TENT4A: variants seen among roughly 807,000 people sequenced by gnomAD.
TENT4A encodes terminal nucleotidyltransferase 4A.
In TENT4A, 7 loss-of-function variants were observed where a neutral mutation model predicts 72.8. The observed-to-expected ratio is 0.10, with a 90% confidence interval of 0.05 to 0.18. The LOEUF is 0.18. TENT4A is among the 10% of genes least tolerant of loss of function. TENT4A has a pLI of 1.00. For synonymous variants in TENT4A, 456 were observed against 434.3 expected (o/e 1.05, Z -0.62); for missense variants, 831 against 1,017.7 (o/e 0.82, Z 2.50).
chr5:6,734,549 G>GT (rs1741374409), intron 1 of TENT4A, among the ~76,000 whole-genome samples: 1 of 152,268 alleles, frequency 6.6e-6, no homozygotes, highest in South Asian at 2.1e-4. Flanking sequence ...CATCCAAGAG[G>GT]CATGGATGGC....
At chr5:6,740,209 T>A (rs547550941) in intron 4 of TENT4A, among the ~76,000 whole-genome samples, 1 of 152,326 alleles carries the variant, frequency 6.6e-6, no homozygotes, top group South Asian at 2.1e-4. Flanking sequence ...AGAGTGTGGC[T>A]CAATGATTAA....
chr5:6,725,060 G>T lies in TENT4A; in HGVS notation c.716+10361G>T, dbSNP rs984126490. On this transcript the variant is annotated intron_variant, in intron 1 of 12. Coordinates refer to ENST00000230859, the MANE Select transcript of TENT4A (RefSeq NM_006999.6). ...AAACAGGCTGGGTGCAATGGCTCAC[G>T]CCTGTAATCCCAGCACTTTGGGAGG... 1.3e-5 allele frequency among the ~76,000 whole-genome samples: 2 copies of T among 152,248 alleles called. 1 individual carries two copies. Among genetic ancestry groups the T allele is most frequent in the South Asian group, 4.1e-4 (2 of 4,834 alleles).
intron 1 of TENT4A, among the ~76,000 whole-genome samples, chr5:6,723,752 C>G (rs1456701871): frequency 1.3e-5 from 2 of 152,112 alleles, no homozygotes; most frequent in East Asian, 3.9e-4. Context: ...ACAGCCACCG[C>G]AGGACAAAGT....
chr5:6,734,523 T>C (rs1741371762), intron 1 of TENT4A, among the ~76,000 whole-genome samples: 1 of 152,266 alleles, frequency 6.6e-6, no homozygotes, highest in South Asian at 2.1e-4. Flanking sequence ...GCCAGAGCCT[T>C]CTTGTCTGAC....
At chr5:6,720,823 T>G (rs1301083196) in intron 1 of TENT4A, among the ~76,000 whole-genome samples, 1 of 152,188 alleles carries the variant, frequency 6.6e-6, no homozygotes, top group Non-Finnish European at 1.5e-5. Context: ...GGGTCTTTCC[T>G]ATGCAGGTGG....
At chr5:6,737,821 G>C (rs1741583073) in intron 2 of TENT4A, among the ~76,000 whole-genome samples, 188 bp downstream of exon 2, 1 of 152,120 alleles carries the variant, frequency 6.6e-6, no homozygotes, top group Non-Finnish European at 1.5e-5. Context: ...ACCTGCACCT[G>C]CTGTCTTAGA....
Position 6,750,459 on chromosome 5 carries a change from G to C in TENT4A, c.1816G>C (p.Gly606Arg), listed in dbSNP as rs756883141. Residue 606 changes from glycine (G) to arginine (R), a missense_variant, in exon 10 of 13, where the codon GGC (glycine) becomes CGC (arginine). By Grantham distance (125) the Gly-to-Arg change is moderately radical. Coordinates refer to ENST00000230859, the MANE Select transcript of TENT4A (RefSeq NM_006999.6). Reference protein sequence around the residue: ...SLSSPQLLSSGSSASSVSSLS... With the variant: ...SLSSPQLLSSRSSASSVSSLS... ...GTCCAGCCCCCAGCTCCTGTCTTCA[G>C]GCTCCTCGGCCTCTTCTGTGTCTTC... The C allele has an allele frequency of 1.2e-6, 2 of 1,609,622 alleles. No homozygotes were observed. The highest frequency in any genetic ancestry group is 3.4e-5 in the Admixed American group (2 of 59,392).
intron 5 of TENT4A, among the ~76,000 whole-genome samples, chr5:6,743,489 G>C (rs1741931998): frequency 6.6e-6 from 1 of 152,174 alleles, no homozygotes; most frequent in Non-Finnish European, 1.5e-5. Flanking sequence ...CCCCTGCTGA[G>C]TCGTAACCCA....
In TENT4A at chr5:6,714,535, C is replaced by T. The variant is rs1740260454; in HGVS notation, c.552C>T (p.His184=). The change falls in exon 1 of 13, where the codon CAC becomes CAT. Residue 184 remains histidine, a synonymous_variant. Coordinates refer to ENST00000230859, the MANE Select transcript of TENT4A (RefSeq NM_006999.6). The part of the protein sequence containing the change: ...PAGSPSQHQF[H]PGRRKRENKA... ...GCTCCCCGTCGCAGCACCAGTTCCA[C>T]CCGGGTCGCCGGAAACGCGAGAACA... 1 of 1,195,196 alleles carries T rather than the reference C, an allele frequency of 8.4e-7. No homozygotes were observed. The highest frequency in any genetic ancestry group is 1.0e-6 in the Non-Finnish European group (1 of 964,254). The allele number at this position is 1,195,196 out of a possible 1,614,324, so 74.0% of individuals were successfully genotyped here.
At chr5:6,746,708 C>A (rs762688104) in intron 7 of TENT4A, among the ~76,000 whole-genome samples, 7 of 152,126 alleles carry the variant, frequency 4.6e-5, no homozygotes, top group African/African-American at 7.2e-5. Flanking sequence ...CACCCTAAAC[C>A]ATTTGTTTCT....
At chr5:6,735,269 A>G (rs1043157820) in intron 1 of TENT4A, among the ~76,000 whole-genome samples, 1 of 150,844 alleles carries the variant, frequency 6.6e-6, no homozygotes, top group Non-Finnish European at 1.5e-5. Context: ...AAATTTCTCT[A>G]CTCCTGTTAT....
intron 1 of TENT4A, among the ~76,000 whole-genome samples, chr5:6,729,364 T>A (rs896883117): frequency 1.3e-5 from 2 of 152,280 alleles, no homozygotes; most frequent in Non-Finnish European, 2.9e-5. Flanking sequence ...GTTTTTAGCC[T>A]CTTGGCTTTT....
intron 1 of TENT4A, among the ~76,000 whole-genome samples, chr5:6,717,263 C>A (rs1740435528): frequency 1.3e-5 from 2 of 152,254 alleles, no homozygotes; most frequent in African/African-American, 4.8e-5. Context: ...TAAAGGCTCA[C>A]CTGGGCTGGC....
intron 1 of TENT4A, among the ~76,000 whole-genome samples, chr5:6,730,915 C>T (rs1741178812): frequency 6.6e-6 from 1 of 152,090 alleles, no homozygotes; most frequent in South Asian, 2.1e-4. Context: ...GATCATTGAT[C>T]CCTCAAAATA....
chr5:6,751,261 T>C (rs1036961995), intron 11 of TENT4A, 64 bp downstream of exon 11: 13 of 1,517,554 alleles, frequency 8.6e-6, no homozygotes, highest in Admixed American at 1.7e-5. Flanking sequence ...AGCTGTGATA[T>C]GCACTAGAGG....
intron 1 of TENT4A, among the ~76,000 whole-genome samples, chr5:6,725,126 C>T (rs974507304): frequency 1.3e-5 from 2 of 152,180 alleles, no homozygotes; most frequent in African/African-American, 4.8e-5. Flanking sequence ...TCGAGACCAT[C>T]CTGGCTAACA....
chr5:6,737,666 G>A (rs751030736), intron 2 of TENT4A, 33 bp downstream of exon 2: 71 of 1,601,358 alleles, frequency 4.4e-5, no homozygotes, highest in African/African-American at 1.1e-4. Context: ...TGTGTCGCAC[G>A]TCACGTGCGA....
chr5:6,714,552 G>T lies in TENT4A; in HGVS notation c.569G>T (p.Arg190Leu). 1.7e-6 allele frequency: 2 copies of T among 1,197,078 alleles called. No individual in the cohort carries two copies. Among genetic ancestry groups the T allele is most frequent in the Non-Finnish European group, 2.1e-6 (2 of 965,528 alleles). The allele number at this position is 1,197,078 out of a possible 1,614,324, so 74.2% of individuals were successfully genotyped here. The change falls in exon 1 of 13, where the codon CGC becomes CTC. Residue 190 changes from arginine to leucine, a missense_variant. Arg to Leu is a moderately radical substitution (Grantham distance 102). This residue lies in a region of TENT4A where 302 missense variants were observed against 293.8 expected (regional missense o/e 1.03). Transcript: ENST00000230859. ...QHQFHPGRRK[R>L]ENKASTYGLN... ...CAGTTCCACCCGGGTCGCCGGAAAC[G>T]CGAGAACAAGGCCAGCACCTACGGC...
chr5:6,723,486 C>T (rs1014308548), intron 1 of TENT4A, among the ~76,000 whole-genome samples: 1 of 152,310 alleles, frequency 6.6e-6, no homozygotes, highest in East Asian at 1.9e-4. Flanking sequence ...TGATATTACT[C>T]CTGTTTTGTA....
Sources: allele counts gnomAD v4.1 joint callset (sites outside exome capture counted in the v4.1 genomes callset), GRCh38; gene constraint gnomAD v4.1.1; regional missense constraint gnomAD v4.1.1; transcripts MANE v1.5; gene names NCBI Gene and HGNC (gene_info 2026-07-23, HGNC 2026-07-21).